The following METTL23 variants were observed in gnomAD, a reference collection of about 807,000 sequenced individuals.
The protein encoded by METTL23 is histone-arginine methyltransferase METTL23.
A neutral mutation model predicts 21.2 loss-of-function variants in METTL23; 24 were observed. The observed-to-expected ratio is 1.13, with a 90% CI of 0.82 to 1.59. METTL23 has a LOEUF of 1.59. Among genes scored for constraint, METTL23 ranks in the 40% most tolerant of loss-of-function variants. METTL23 has a pLI of 0.00. For missense variants in METTL23, 276 were observed against 221.4 expected, an observed-to-expected ratio of 1.25 and a Z score of -1.57; for synonymous variants, 97 against 75.2, an observed-to-expected ratio of 1.29 and a Z score of -1.50.
At position 76,729,579 on chromosome 17, in the gene METTL23, C is replaced by T. The variant is rs2077109120; in HGVS notation, c.-21-111C>T. ...TCCCCAAAGGTCGTGGATTGGTGAA[C>T]AGGGCTGCCATTTTTGTAATGGATG... On this transcript the variant is annotated intron_variant, in intron 1 of 4. Coordinates refer to ENST00000341249, the MANE Select transcript of METTL23 (RefSeq NM_001080510.5). The T allele has an allele frequency of 7.2e-6, 5 of 696,524 alleles. No individual in the cohort carries two copies. In the South Asian group the frequency reaches 8.8e-5, roughly 12 times the overall value. 43.1% of individuals were successfully genotyped at this position (696,524 alleles called of 1,614,324 possible).
At position 76,733,074 on chromosome 17, in the gene METTL23, GTC is replaced by G; in HGVS notation, c.183_184del (p.Cys62SerfsTer8). On this transcript the variant is annotated frameshift_variant, in exon 3 of 5. Coordinates refer to ENST00000341249, the MANE Select transcript of METTL23 (RefSeq NM_001080510.5). LOFTEE classifies it high-confidence loss of function. ...CTCAGAACTGCCTCACTGTCTGGAAGTCTGTCGGCAAAGCTGCCAAATGAATA... is the reference window on the plus strand; with the variant it reads ...CTCAGAACTGCCTCACTGTCTGGAAGTGTCGGCAAAGCTGCCAAATGAATA... ...DSSELPHCLE[V>X]CRQSCQMNNL... The G allele has an allele frequency of 6.2e-7, 1 of 1,609,284 alleles. No homozygotes were observed. The highest frequency in any genetic ancestry group is 8.5e-7 in the Non-Finnish European group (1 of 1,177,566).
Position 76,727,008 on chromosome 17 carries a change from AG to A in METTL23, c.-191del, listed in dbSNP as rs781491005. 19 of 456,102 alleles carry A rather than the reference AG, an allele frequency of 4.2e-5. No individual in the cohort carries two copies. The highest frequency in any genetic ancestry group is 2.8e-4 in the South Asian group (18 of 64,532). The allele number at this position is 456,102 out of a possible 1,614,324, so 28.3% of individuals were successfully genotyped here. ...GTGGCCCGCGGCTTCCCGCTCGCGC[AG>A]TCTGGCAGCCCGGAGCCTTCCGCGG... On this transcript the variant is annotated 5_prime_UTR_variant, in exon 1 of 5. Coordinates refer to ENST00000341249, the MANE Select transcript of METTL23 (RefSeq NM_001080510.5).
At chr17:76,728,309 TAACTGC>T (rs1436830768) in intron 1 of METTL23, among the ~76,000 whole-genome samples, 1 of 151,390 alleles carries the variant, frequency 6.6e-6, no homozygotes, top group Admixed American at 6.6e-5. Context: ...TTTTTTTTGC[TAACTGC>T]AACCTCAACC....
chr17:76,730,202 T>G lies in METTL23; in HGVS notation c.84+408T>G, dbSNP rs192507679. Among the ~76,000 whole-genome samples the G allele has an allele frequency of 2.2e-3, 332 of 152,016 alleles. 2 individuals carry two copies. Among genetic ancestry groups the G allele is most frequent in the Middle Eastern group, 3.4e-3 (1 of 294 alleles). ...AGCTACTCGGGAGGCTGAAACAGAA[T>G]TGCTTGAACCCTGGAGGCGGAGGTT... On this transcript the variant is annotated intron_variant, in intron 2 of 4. Transcript: ENST00000341249.
chr17:76,729,514 G>A (rs2077106292), intron 1 of METTL23, among the ~76,000 whole-genome samples, 176 bp from the exon 2 acceptor site: 1 of 152,224 alleles, frequency 6.6e-6, no homozygotes, highest in Non-Finnish European at 1.5e-5. Context: ...AATAAACAGT[G>A]CTATCAAGAG....
intron 2 of METTL23, chr17:76,732,615 C>G (rs548566064): frequency 4.1e-6 from 1 of 246,340 alleles, no homozygotes; most frequent in South Asian, 4.9e-5. Context: ...TGCACTCCAG[C>G]CTGGAGAACA....
upstream of METTL23, chr17:76,726,480 C>T (rs567489133): frequency 4.4e-6 from 7 of 1,590,026 alleles, no homozygotes; most frequent in African/African-American, 4.1e-5. Context: ...GTTCATTCTG[C>T]GGGGTCGCCA....
At chr17:76,730,151 G>T (rs994679168) in intron 2 of METTL23, among the ~76,000 whole-genome samples, 2 of 152,058 alleles carry the variant, frequency 1.3e-5, no homozygotes, top group African/African-American at 4.8e-5. Flanking sequence ...AAGTAGCCGG[G>T]CCTGGTGGTG....
rs1310758161 is a variant in METTL23, at chr17:76,733,184, C to T, written c.291C>T (p.Ile97=). ...TGGCTCTACCACCACAAGATATTAT[C>T]CTTGCATCTGATGTGTTCTTTGAAC... ...DLLALPPQDI[I]LASDVFFEPE... The change falls in exon 3 of 5, where the codon ATC becomes ATT. Residue 97 remains isoleucine, a synonymous_variant. Coordinates refer to ENST00000341249, the MANE Select transcript of METTL23 (RefSeq NM_001080510.5). 3.7e-6 allele frequency: 6 copies of T among 1,613,912 alleles called. No individual in the cohort carries two copies. The highest frequency in any genetic ancestry group is 5.1e-6 in the Non-Finnish European group (6 of 1,179,836).
intron 2 of METTL23, among the ~76,000 whole-genome samples, chr17:76,731,264 G>C (rs2077196982): frequency 6.6e-6 from 1 of 152,242 alleles, no homozygotes; most frequent in South Asian, 2.1e-4. Context: ...AACAGAGCGA[G>C]ACTGCATCTC....
At chr17:76,728,306 T>TTGTTTTTGACCC (rs1568008350) in intron 1 of METTL23, among the ~76,000 whole-genome samples, 1 of 151,274 alleles carries the variant, frequency 6.6e-6, no homozygotes, top group African/African-American at 2.4e-5. Context: ...CACTTTTTTT[T>TTGTTTTTGACCC]GCTAACTGCA....
At chr17:76,731,860 C>G (rs2077219188) in intron 2 of METTL23, among the ~76,000 whole-genome samples, 1 of 152,214 alleles carries the variant, frequency 6.6e-6, no homozygotes. Context: ...AATTCTATCT[C>G]TGTGTCCTTC....
intron 2 of METTL23, among the ~76,000 whole-genome samples, chr17:76,730,679 T>C (rs2077163392): frequency 6.6e-6 from 1 of 152,202 alleles, no homozygotes; most frequent in East Asian, 1.9e-4. Flanking sequence ...CAGAAATTTA[T>C]GTCTCTTGCC....
intron 2 of METTL23, among the ~76,000 whole-genome samples, chr17:76,731,217 G>T (rs1214347296): frequency 6.6e-6 from 1 of 152,234 alleles, no homozygotes; most frequent in Non-Finnish European, 1.5e-5. Context: ...GGAGGCTGCA[G>T]TCAGCTGAGA....
chr17:76,730,899 C>T (rs944639973), intron 2 of METTL23, among the ~76,000 whole-genome samples: 2 of 152,160 alleles, frequency 1.3e-5, no homozygotes, highest in East Asian at 1.9e-4. Context: ...GTCAGGAGAT[C>T]GAGACCATCC....
rs577498542 is a variant in METTL23 at position 76,726,857 on chromosome 17, C to G, written c.-343C>G. On this transcript the variant is annotated 5_prime_UTR_variant, in exon 1 of 5. Coordinates refer to ENST00000341249, the MANE Select transcript of METTL23 (RefSeq NM_001080510.5). Reference sequence around the variant, plus strand: ...GCCCATCACTTCCGGTCGCGCCAGCCGCCCGTTGCCAGTTCTGCGCGTGTG... The same window carrying G: ...GCCCATCACTTCCGGTCGCGCCAGCGGCCCGTTGCCAGTTCTGCGCGTGTG... 2.7e-3 allele frequency: 1,182 copies of G among 439,516 alleles called. 9 individuals carry two copies. The highest frequency in any genetic ancestry group is 0.016 in the South Asian group (982 of 63,114). The allele number at this position is 439,516 out of a possible 1,614,324, so 27.2% of individuals were successfully genotyped here.
intron 2 of METTL23, chr17:76,732,634 C>A (rs1358006325): frequency 6.4e-6 from 2 of 312,918 alleles, no homozygotes; most frequent in African/African-American, 4.3e-5. Flanking sequence ...CAGAGCAAGA[C>A]TCCGTCTCAA....
At chr17:76,728,599 C>T (rs1269446346) in intron 1 of METTL23, among the ~76,000 whole-genome samples, 1 of 151,608 alleles carries the variant, frequency 6.6e-6, no homozygotes, top group Non-Finnish European at 1.5e-5. Flanking sequence ...TTAGTAGAGA[C>T]GGGGTTTTGC....
rs1395171597 is a variant in METTL23, at chr17:76,733,634, G to T, written c.521G>T (p.Gly174Val). The T allele has an allele frequency of 5.0e-6, 8 of 1,613,808 alleles. No homozygotes were observed. Among genetic ancestry groups the T allele is most frequent in the Non-Finnish European group, 5.9e-6 (7 of 1,179,848 alleles). Reference protein sequence around the residue: ...KEDIAESTLPGRHTVEMLVIS... With the variant: ...KEDIAESTLPVRHTVEMLVIS... ...GATATAGCAGAATCTACCCTTCCAG[G>T]AAGACATACAGTTGAAATGCTGGTC... The change falls in exon 5 of 5, where the codon GGA becomes GTA. Residue 174 changes from glycine (G) to valine (V), a missense_variant. Transcript: ENST00000341249.
Sources: gnomAD v4.1 joint callset for allele counts (sites outside exome capture counted in the v4.1 genomes callset) on GRCh38, gnomAD v4.1.1 for gene constraint, MANE v1.5 for transcripts, NCBI Gene and HGNC (gene_info 2026-07-23, HGNC 2026-07-21) for gene names.